KIF9: variants seen among roughly 807,000 people sequenced by gnomAD.
The protein encoded by KIF9 is kinesin family member 9.
In KIF9, 68 loss-of-function variants were observed where a neutral mutation model predicts 94.8. The observed-to-expected ratio is 0.72, with a 90% CI of 0.59 to 0.88. KIF9 has a LOEUF of 0.88. Among genes scored for constraint, KIF9 ranks in the 40% least tolerant of loss-of-function variants. The pLI is 0.00. For synonymous variants in KIF9, 343 were observed against 362.1 expected, an observed-to-expected ratio of 0.95 and a Z score of 0.60; for missense variants, 882 against 982.5, an observed-to-expected ratio of 0.90 and a Z score of 1.37.
chr3:47,253,939 GTC>G (rs1213121425), intron 10 of KIF9, among the ~76,000 whole-genome samples: 1 of 152,190 alleles, frequency 6.6e-6, no homozygotes, highest in Non-Finnish European at 1.5e-5. Flanking sequence ...GTGACCTATA[GTC>G]TCTCACACAT....
At chr3:47,241,862 ACACATATATATATATATATATATTTT>A in intron 16 of KIF9, among the ~76,000 whole-genome samples, 1 of 37,422 alleles carries the variant, frequency 2.7e-5, no homozygotes, top group Non-Finnish European at 6.9e-5. Flanking sequence ...ATATATATAT[ACACATATATATATATATATATATTTT>A]TTTTTTTTTT....
intron 9 of KIF9, chr3:47,263,931 T>TAA (rs1464709723): frequency 2.1e-6 from 1 of 467,996 alleles, no homozygotes; most frequent in Admixed American, 2.3e-5. Flanking sequence ...TAAACATGTG[T>TAA]GATTATAAAG....
At chr3:47,248,845 G>A (rs1055118452) in intron 10 of KIF9, among the ~76,000 whole-genome samples, 3 of 152,098 alleles carry the variant, frequency 2.0e-5, no homozygotes, top group Non-Finnish European at 4.4e-5. Context: ...CTGGGCTCAA[G>A]CAATCCTCTC....
chr3:47,259,723 G>C (rs992878528), intron 9 of KIF9, among the ~76,000 whole-genome samples: 2 of 148,490 alleles, frequency 1.3e-5, no homozygotes, highest in African/African-American at 5.0e-5. Flanking sequence ...AATGGATTAA[G>C]GGCGGTGCAA....
At chr3:47,274,512 G>C (rs1456613158) in intron 3 of KIF9, among the ~76,000 whole-genome samples, 1 of 152,236 alleles carries the variant, frequency 6.6e-6, no homozygotes, top group African/African-American at 2.4e-5. Flanking sequence ...TCTAGTTCTT[G>C]GGACTGGTGG....
chr3:47,253,243 C>T (rs1481208021), intron 10 of KIF9, among the ~76,000 whole-genome samples: 1 of 152,064 alleles, frequency 6.6e-6, no homozygotes, highest in East Asian at 1.9e-4. Context: ...GCAACCACTG[C>T]CCCTCAGGCA....
chr3:47,277,216 C>T lies in KIF9; in HGVS notation c.93+66G>A, dbSNP rs559343776. 116 of 1,197,806 alleles carry T rather than the reference C, an allele frequency of 9.7e-5. 2 individuals are homozygous for T. Among genetic ancestry groups the T allele is most frequent in the East Asian group, 7.2e-5 (3 of 41,814 alleles). 74.2% of individuals were successfully genotyped at this position (1,197,806 alleles called of 1,614,324 possible). On this transcript the variant is annotated intron_variant, in intron 2 of 20. Coordinates refer to ENST00000684063, the MANE Select transcript of KIF9 (RefSeq NM_182902.4). ...GTCCTTCAAAGGTTGCTTGGAAATA[C>T]GGTCACACTATAGCAAGGTGGGACA... is the stretch of plus-strand genomic sequence containing the variant.
At chr3:47,240,672 G>A in intron 17 of KIF9, 129 bp downstream of exon 17, 1 of 745,764 alleles carries the variant, frequency 1.3e-6, no homozygotes, top group Non-Finnish European at 2.3e-6. Context: ...ACCTATGGGT[G>A]AAGGCCACAT....
intron 9 of KIF9, 193 bp downstream of exon 9, chr3:47,264,093 C>G: frequency 1.7e-6 from 1 of 587,040 alleles, no homozygotes; most frequent in Non-Finnish European, 3.2e-6. Context: ...TTCCTCCGCA[C>G]AGCTTAGTGC....
chr3:47,275,220 C>A, intron 3 of KIF9, 105 bp downstream of exon 3: 1 of 880,514 alleles, frequency 1.1e-6, no homozygotes, highest in South Asian at 1.8e-5. Context: ...GACAGACAAA[C>A]ATACAAATGA....
rs943694181 is a variant in KIF9, at chr3:47,271,176, T to C, written c.591+61A>G. 1.0e-5 allele frequency: 12 copies of C among 1,165,388 alleles called. No homozygotes were observed. In the African/African-American group the frequency reaches 1.9e-4, roughly 18 times the overall value. 72.2% of individuals were successfully genotyped at this position (1,165,388 alleles called of 1,614,324 possible). ...GAAAAAGAAAAAGAAAAAGAAAAGC[T>C]GAGAAGGAGGGTGGCAGGGAGGGAG... On this transcript the variant is annotated intron_variant, in intron 5 of 20. Coordinates refer to ENST00000684063, the MANE Select transcript of KIF9 (RefSeq NM_182902.4).
At chr3:47,241,847 T>C (rs1429096175) in intron 16 of KIF9, among the ~76,000 whole-genome samples, 1 of 118,450 alleles carries the variant, frequency 8.4e-6, no homozygotes, top group East Asian at 2.6e-4. Flanking sequence ...ATATAAAATA[T>C]ATATATATAT....
intron 10 of KIF9, among the ~76,000 whole-genome samples, chr3:47,252,265 C>T (rs1025883630): frequency 1.3e-5 from 2 of 152,168 alleles, no homozygotes; most frequent in Non-Finnish European, 2.9e-5. Flanking sequence ...CCAAGGCCAA[C>T]AATGCAGATC....
rs566734679 is a variant in KIF9, at chr3:47,257,194, A to T, written c.1059+289T>A. ...AATTATTGACTGGCAAAAAAAAAAA[A>T]ATTTTTCTTCATCTTAAGGTCGGCT... On this transcript the variant is annotated intron_variant, in intron 10 of 20. Transcript: ENST00000684063. Among the ~76,000 whole-genome samples, 108 of 152,232 alleles carry T rather than the reference A, an allele frequency of 7.1e-4. 1 individual carries two copies. The highest frequency in any genetic ancestry group is 1.1e-3 in the Non-Finnish European group (77 of 68,014).
In KIF9 at chr3:47,275,324, C is replaced by A; in HGVS notation, c.259+1G>T. On this transcript the variant is annotated splice_donor_variant, in intron 3 of 20. Coordinates refer to ENST00000684063, the MANE Select transcript of KIF9 (RefSeq NM_182902.4). LOFTEE classifies it high-confidence loss of function. ...AGACAACATTTAATTAATTAAGTTA[C>A]CATTATAGCCATCGAGGGCCTGAGA... is the stretch of plus-strand genomic sequence containing the variant. 1 of 1,604,008 alleles carries A rather than the reference C, an allele frequency of 6.2e-7. No individual in the cohort carries two copies. The highest frequency in any genetic ancestry group is 8.5e-7 in the Non-Finnish European group (1 of 1,175,476).
At chr3:47,278,888 C>T (rs936615000) in intron 1 of KIF9, among the ~76,000 whole-genome samples, 1 of 152,120 alleles carries the variant, frequency 6.6e-6, no homozygotes, top group Non-Finnish European at 1.5e-5. Context: ...AGGAGAATCG[C>T]TTGAATCTGG....
chr3:47,267,306 AACG>A (rs1422596192), intron 5 of KIF9, 43 bp from the exon 6 acceptor site: 4 of 1,321,912 alleles, frequency 3.0e-6, no homozygotes, highest in Non-Finnish European at 4.3e-6. Context: ...GAAAAACTAA[AACG>A]ACAAGGCACT....
chr3:47,247,886 C>T, intron 11 of KIF9, 132 bp downstream of exon 11: 2 of 737,350 alleles, frequency 2.7e-6, no homozygotes, highest in Admixed American at 2.0e-5. Context: ...CCCTTTCCTG[C>T]CACTGAGCCT....
chr3:47,236,433 A>G lies in KIF9; in HGVS notation c.2101+10T>C, dbSNP rs111298266. 1.9e-6 allele frequency: 3 copies of G among 1,612,192 alleles called. No individual in the cohort carries two copies. ...CCTCAGGTGGCGGCCAACCTTCCCAACTGTCGCACCCATGAGCAGGCGGTG... is the reference window on the plus strand; with the variant it reads ...CCTCAGGTGGCGGCCAACCTTCCCAGCTGTCGCACCCATGAGCAGGCGGTG... On this transcript the variant is annotated intron_variant, in intron 18 of 20. Transcript: ENST00000684063.
Sources: gnomAD v4.1 joint callset for allele counts (sites outside exome capture counted in the v4.1 genomes callset) on GRCh38, gnomAD v4.1.1 for gene constraint, MANE v1.5 for transcripts, NCBI Gene and HGNC (gene_info 2026-07-23, HGNC 2026-07-21) for gene names.